The following MCF2L2 variants were observed in gnomAD, a reference collection of about 807,000 sequenced individuals.
The protein encoded by MCF2L2 is probable guanine nucleotide exchange factor MCF2L2.
A neutral mutation model predicts 150.2 loss-of-function variants in MCF2L2; 102 were observed. The observed-to-expected ratio is 0.68, with a 90% confidence interval of 0.58 to 0.80. MCF2L2 has a LOEUF of 0.80. MCF2L2 is among the 30% of genes least tolerant of loss of function. The pLI, the probability that MCF2L2 is intolerant of heterozygous loss-of-function variation, is 0.00. For synonymous variants in MCF2L2, 465 were observed against 491.3 expected (o/e 0.95, Z 0.71); for missense variants, 1,256 against 1,372.8 (o/e 0.91, Z 1.34).
chr3:183,310,187 C>G (rs917728333), intron 9 of MCF2L2, among the ~76,000 whole-genome samples: 1 of 150,836 alleles, frequency 6.6e-6, no homozygotes, highest in Non-Finnish European at 1.5e-5. Flanking sequence ...ATAGGGAGAC[C>G]TCGTCTCTGC....
chr3:183,343,542 T>C (rs1730782970), intron 3 of MCF2L2, among the ~76,000 whole-genome samples: 1 of 152,042 alleles, frequency 6.6e-6, no homozygotes, highest in Non-Finnish European at 1.5e-5. Flanking sequence ...GGCTAATTTT[T>C]GTATTTTTAG....
chr3:183,361,285 C>T (rs545819035), intron 3 of MCF2L2, among the ~76,000 whole-genome samples: 1 of 152,250 alleles, frequency 6.6e-6, no homozygotes, highest in African/African-American at 2.4e-5. Context: ...TGTTGTTTAA[C>T]AGCAGATACA....
intron 3 of MCF2L2, among the ~76,000 whole-genome samples, chr3:183,364,768 C>G (rs1057083140): frequency 6.6e-5 from 10 of 151,922 alleles, no homozygotes; most frequent in Non-Finnish European, 1.5e-5. Flanking sequence ...CATCCCTATG[C>G]AAAAAAATTT....
intron 3 of MCF2L2, 52 bp from the exon 4 acceptor site, chr3:183,341,682 A>C (rs771338143): frequency 2.3e-6 from 3 of 1,278,536 alleles, no homozygotes; most frequent in South Asian, 2.4e-5. Flanking sequence ...CATATGCTCC[A>C]TGTGGCTCCC....
Position 183,267,210 on chromosome 3 carries a change from A to G in MCF2L2, c.1862+9662T>C, listed in dbSNP as rs1286541691. Among the ~76,000 whole-genome samples, 1 of 151,544 alleles carries G rather than the reference A, an allele frequency of 6.6e-6. No individual in the cohort carries two copies. Among genetic ancestry groups the G allele is most frequent in the African/African-American group, 2.4e-5 (1 of 40,828 alleles). ...TCTTACTACTCTCAGTACACTCTGT[A>G]TTTAAAAAAAAAAATGCTGGTTGTG... On this transcript the variant is annotated intron_variant, in intron 15 of 29. Transcript: ENST00000328913. The surrounding 1 kb of genome is among the most constrained non-coding windows in gnomAD (Gnocchi z 5.5).
chr3:183,362,990 C>CT (rs1301746067), intron 3 of MCF2L2, among the ~76,000 whole-genome samples: 1 of 151,922 alleles, frequency 6.6e-6, no homozygotes, highest in Non-Finnish European at 1.5e-5. Flanking sequence ...GGCAAAAGAC[C>CT]TAAACAGCAC....
At chr3:183,427,410 C>G (rs1257159240) in intron 1 of MCF2L2, among the ~76,000 whole-genome samples, 1 of 152,250 alleles carries the variant, frequency 6.6e-6, no homozygotes, top group Non-Finnish European at 1.5e-5. Context: ...CACAGTAAAA[C>G]AGGCCTAGCG....
At chr3:183,278,222 ATT>A (rs142800700) in intron 14 of MCF2L2, among the ~76,000 whole-genome samples, 3,810 of 149,858 alleles carry the variant, frequency 0.025, 171 homozygotes, top group African/African-American at 0.086. Flanking sequence ...TTTTTATTAT[ATT>A]GTTTATTAAA....
chr3:183,407,516 C>T (rs562188129), intron 1 of MCF2L2, among the ~76,000 whole-genome samples: 2 of 152,234 alleles, frequency 1.3e-5, no homozygotes, highest in South Asian at 4.1e-4. Context: ...GGTTTTGAAA[C>T]CCTTATGAAA....
chr3:183,319,438 G>C (rs964018176), intron 6 of MCF2L2, among the ~76,000 whole-genome samples: 3 of 152,176 alleles, frequency 2.0e-5, no homozygotes, highest in Non-Finnish European at 4.4e-5. Context: ...CTGATATTTT[G>C]ACTTCCTCCC....
chr3:183,395,939 GAA>G (rs1317254065), intron 1 of MCF2L2, among the ~76,000 whole-genome samples: 1 of 82,302 alleles, frequency 1.2e-5, no homozygotes, highest in Non-Finnish European at 2.9e-5. Flanking sequence ...AAAAAAAAAA[GAA>G]AGAAAGAAAG....
Position 183,178,144 on chromosome 3 carries a change from A to C in MCF2L2, c.*1236T>G, listed in dbSNP as rs1185472024. 3 of 152,228 alleles carry C rather than the reference A, an allele frequency of 2.0e-5. No individual in the cohort carries two copies. The highest frequency in any genetic ancestry group is 2.0e-4 in the Admixed American group (3 of 15,272). The allele number at this position is 152,228 out of a possible 1,614,324, so 9.4% of individuals were successfully genotyped here. A position where few individuals can be genotyped will look rare whatever the true frequency, so the allele number is the denominator to read the frequency against. On this transcript the variant is annotated 3_prime_UTR_variant, in exon 30 of 30. Coordinates refer to ENST00000328913, the MANE Select transcript of MCF2L2 (RefSeq NM_015078.4). ...AAGTGAAATAACTATGAAGGTAAATAACTCAGATAATAATTGTAAAGATAA... is the reference window on the plus strand; with the variant it reads ...AAGTGAAATAACTATGAAGGTAAATCACTCAGATAATAATTGTAAAGATAA...
intron 23 of MCF2L2, among the ~76,000 whole-genome samples, chr3:183,206,963 AAGGAAGGAAGGGAGGG>A (rs1231780618): frequency 0.038 from 599 of 15,708 alleles, 13 homozygotes; most frequent in African/African-American, 0.085. Context: ...GGAAGGAAGG[AAGGAAGGAAGGGAGGG>A]AGGGAGGGAG....
intron 26 of MCF2L2, among the ~76,000 whole-genome samples, chr3:183,193,353 C>CTTGCTTTT (rs1721968287): frequency 9.1e-6 from 1 of 109,338 alleles, no homozygotes; most frequent in Admixed American, 8.9e-5. Context: ...TTTTCTTTTT[C>CTTGCTTTT]TTTCTTTTTT....
At chr3:183,214,274 G>C (rs7642053) in intron 22 of MCF2L2, among the ~76,000 whole-genome samples, 8,136 of 152,110 alleles carry the variant, frequency 0.053, 699 homozygotes, top group African/African-American at 0.18. Context: ...CTTTCCTCAG[G>C]CGAAGAAAGA....
chr3:183,218,768 T>C (rs1723038775), intron 21 of MCF2L2, among the ~76,000 whole-genome samples: 2 of 152,098 alleles, frequency 1.3e-5, no homozygotes, highest in South Asian at 4.2e-4. Flanking sequence ...CCGCTAACCC[T>C]CCTTCACAAA....
chr3:183,328,846 A>G (rs1052608680), intron 5 of MCF2L2, among the ~76,000 whole-genome samples: 1 of 152,312 alleles, frequency 6.6e-6, no homozygotes, highest in African/African-American at 2.4e-5. Context: ...GAAAACAAAA[A>G]CCCAATTAAA....
At chr3:183,371,858 T>C (rs780479603) in intron 3 of MCF2L2, among the ~76,000 whole-genome samples, 13 of 152,188 alleles carry the variant, frequency 8.5e-5, no homozygotes, top group Non-Finnish European at 1.6e-4. Context: ...CAGTTTGGCT[T>C]AGTGAAACAG....
At chr3:183,289,026 T>C (rs1577027892) in intron 14 of MCF2L2, 94 bp downstream of exon 14, 1 of 847,780 alleles carries the variant, frequency 1.2e-6, no homozygotes, top group Non-Finnish European at 1.9e-6. Context: ...TAGGTACAGA[T>C]TAAGGAAACA....
Sources: gnomAD v4.1 joint callset for allele counts (sites outside exome capture counted in the v4.1 genomes callset) on GRCh38, gnomAD v4.1.1 for gene constraint, Gnocchi (gnomAD v3.1) non-coding constraint, MANE v1.5 for transcripts, NCBI Gene and HGNC (gene_info 2026-07-23, HGNC 2026-07-21) for gene names.